Variants in PTPRD observed in about 807,000 individuals in gnomAD.
PTPRD encodes the protein receptor-type tyrosine-protein phosphatase delta.
In PTPRD, 34 loss-of-function variants were observed where a neutral mutation model predicts 214.5. The observed-to-expected ratio is 0.16, with a 90% CI of 0.12 to 0.21. The LOEUF is 0.21. Ranked by LOEUF, PTPRD falls within the 10% of genes least tolerant of loss-of-function variation. The probability of loss-of-function intolerance (pLI) is 1.00; values close to 1 mark genes in which losing one functional copy is unlikely to be tolerated. For synonymous variants in PTPRD, 1,128 were observed against 845.7 expected (o/e 1.33, Z -5.79); for missense variants, 2,545 against 2,398.7 (o/e 1.06, Z -1.27).
intron 7 of PTPRD, among the ~76,000 whole-genome samples, chr9:9,627,374 A>G (rs1468801366): frequency 6.6e-6 from 1 of 152,210 alleles, no homozygotes; most frequent in African/African-American, 2.4e-5. Flanking sequence ...TCTCCTGCTT[A>G]ATTTGTGTGT....
At chr9:9,370,349 A>G (rs1046462714) in intron 9 of PTPRD, among the ~76,000 whole-genome samples, 1 of 151,934 alleles carries the variant, frequency 6.6e-6, no homozygotes, top group African/African-American at 2.4e-5. Context: ...TTGGATTCCT[A>G]GGTATTTTAT....
At chr9:10,205,635 G>A (rs1594149237) in intron 3 of PTPRD, among the ~76,000 whole-genome samples, 1 of 152,062 alleles carries the variant, frequency 6.6e-6, no homozygotes. Flanking sequence ...TTGAACTCCA[G>A]ACCTCAAATG....
intron 27 of PTPRD, among the ~76,000 whole-genome samples, chr9:8,486,761 G>A (rs1164937008): frequency 6.6e-6 from 1 of 152,110 alleles, no homozygotes; most frequent in Non-Finnish European, 1.5e-5. Flanking sequence ...CCGGCGTCAC[G>A]CTAAGTGCAT....
At chr9:9,021,329 A>C (rs2099568991) in intron 10 of PTPRD, among the ~76,000 whole-genome samples, 1 of 152,182 alleles carries the variant, frequency 6.6e-6, no homozygotes, top group Admixed American at 6.5e-5. Context: ...GTTATAGCAC[A>C]GTGCATTACT....
At chr9:8,454,575 C>T (rs1365724094) in intron 33 of PTPRD, 2 of 1,613,080 alleles carry the variant, frequency 1.2e-6, no homozygotes, top group Non-Finnish European at 1.7e-6. Flanking sequence ...TTCTCTATTC[C>T]TCACCTGTCG....
At chr9:8,483,778 C>CAAAACA (rs71500958) in intron 30 of PTPRD, among the ~76,000 whole-genome samples, 77 of 151,474 alleles carry the variant, frequency 5.1e-4, no homozygotes, top group Admixed American at 2.0e-3. Context: ...GACTCCGTCT[C>CAAAACA]AAAACAAAAA....
intron 3 of PTPRD, among the ~76,000 whole-genome samples, chr9:10,221,783 CTG>C (rs1034285496): frequency 6.6e-6 from 1 of 151,072 alleles, no homozygotes; most frequent in African/African-American, 2.5e-5. Context: ...GGCTAAAAAA[CTG>C]TTTTTTTTTT....
At chr9:10,237,934 T>A (rs1342833621) in intron 3 of PTPRD, among the ~76,000 whole-genome samples, 1 of 151,922 alleles carries the variant, frequency 6.6e-6, no homozygotes, top group Non-Finnish European at 1.5e-5. Context: ...TCAACATATT[T>A]TTTAACAAAT....
intron 14 of PTPRD, among the ~76,000 whole-genome samples, chr9:8,578,005 T>G (rs761175982): frequency 1.3e-5 from 2 of 152,212 alleles, no homozygotes; most frequent in African/African-American, 2.4e-5. Flanking sequence ...CTTCTGAATA[T>G]GCAATACACA....
chr9:9,069,955 A>G (rs992712094), intron 10 of PTPRD, among the ~76,000 whole-genome samples: 3 of 152,192 alleles, frequency 2.0e-5, no homozygotes, highest in African/African-American at 7.2e-5. Flanking sequence ...AAAAGAAAAA[A>G]AGGCTTTCTC....
At chr9:10,100,897 G>A (rs556593313) in intron 3 of PTPRD, among the ~76,000 whole-genome samples, 1 of 151,546 alleles carries the variant, frequency 6.6e-6, no homozygotes, top group Non-Finnish European at 1.5e-5. Flanking sequence ...AATACTAAAA[G>A]AGCAGGCAGC....
At chr9:10,540,913 AG>A (rs2058963188) in intron 2 of PTPRD, among the ~76,000 whole-genome samples, 1 of 152,156 alleles carries the variant, frequency 6.6e-6, no homozygotes. Flanking sequence ...ATGAAATACC[AG>A]GGGTGTTGCA....
intron 3 of PTPRD, among the ~76,000 whole-genome samples, chr9:10,313,397 T>TACACACACACAC (rs60788124): frequency 0.039 from 5,790 of 148,396 alleles, 146 homozygotes; most frequent in East Asian, 0.07. Context: ...AGGTACAGAT[T>TACACACACACAC]ACACACACAC....
At chr9:9,886,866 C>T (rs919305914) in intron 5 of PTPRD, among the ~76,000 whole-genome samples, 1 of 152,022 alleles carries the variant, frequency 6.6e-6, no homozygotes, top group Non-Finnish European at 1.5e-5. Context: ...ATGGGAAAGC[C>T]TTTAGACTAC....
intron 11 of PTPRD, among the ~76,000 whole-genome samples, chr9:8,782,750 AC>A (rs2095782951): frequency 6.6e-6 from 1 of 151,946 alleles, no homozygotes; most frequent in Admixed American, 6.6e-5. Flanking sequence ...GGCGCACACC[AC>A]CACCTGACTA....
chr9:9,815,241 G>A (rs2048391768), intron 5 of PTPRD, among the ~76,000 whole-genome samples: 1 of 152,096 alleles, frequency 6.6e-6, no homozygotes, highest in African/African-American at 2.4e-5. Context: ...AATCTTTGAT[G>A]AGAGTGCCAA....
intron 7 of PTPRD, among the ~76,000 whole-genome samples, chr9:9,600,660 C>T (rs929827259): frequency 6.6e-6 from 1 of 152,076 alleles, no homozygotes; most frequent in Non-Finnish European, 1.5e-5. Context: ...TGTGAGTTCC[C>T]TTTAACTGTT....
intron 2 of PTPRD, among the ~76,000 whole-genome samples, chr9:10,407,796 C>A (rs1007804316): frequency 2.0e-5 from 3 of 151,402 alleles, no homozygotes; most frequent in South Asian, 2.1e-4. Context: ...AAATGGTAAC[C>A]TGCTAGAAGG....
intron 8 of PTPRD, among the ~76,000 whole-genome samples, chr9:9,438,400 T>C (rs2086181552): frequency 6.6e-6 from 1 of 152,236 alleles, no homozygotes; most frequent in Non-Finnish European, 1.5e-5. Context: ...CTCATACTGT[T>C]ATTATAGAAT....
Sources: allele counts gnomAD v4.1 joint callset (sites outside exome capture counted in the v4.1 genomes callset), GRCh38; gene constraint gnomAD v4.1.1; transcripts MANE v1.5; gene names NCBI Gene and HGNC (gene_info 2026-07-23, HGNC 2026-07-21).